Variants in PCDH11X observed in about 807,000 individuals in gnomAD.
PCDH11X encodes the protein protocadherin 11 X-linked.
In PCDH11X, 18 loss-of-function variants were observed where a neutral mutation model predicts 53.3. The ratio of observed to expected loss-of-function variants is 0.34; its 90% confidence interval spans 0.23 to 0.50. The LOEUF is 0.50. Among genes scored for constraint, PCDH11X ranks in the 20% least tolerant of loss-of-function variants. PCDH11X has a pLI of 0.98. For missense variants in PCDH11X, 570 were observed against 1,032.4 expected (o/e 0.55, Z 6.14); for synonymous variants, 279 against 393.3 (o/e 0.71, Z 3.44).
intron 9 of PCDH11X, among the ~76,000 whole-genome samples, chrX:92,413,466 A>G (rs1220224554): frequency 1.4e-5 from 1 of 70,695 alleles, no homozygotes; most frequent in Non-Finnish European, 2.5e-5. Context: ...CTTTGAAAGG[A>G]ATCAAATATT....
chrX:92,587,748 C>A (rs1215587827), intron 10 of PCDH11X, among the ~76,000 whole-genome samples: 2 of 106,932 alleles, frequency 1.9e-5, no homozygotes, highest in Non-Finnish European at 3.9e-5. Flanking sequence ...AAGTAATATT[C>A]TCTGAAATCT....
intron 6 of PCDH11X, among the ~76,000 whole-genome samples, chrX:92,164,606 C>T (rs1047562193): frequency 1.6e-4 from 18 of 110,546 alleles, no homozygotes; most frequent in Non-Finnish European, 3.8e-5. Context: ...TAAATACTAA[C>T]ACATGTAACT....
intron 8 of PCDH11X, among the ~76,000 whole-genome samples, chrX:92,342,955 C>G (rs1357345218): frequency 8.9e-6 from 1 of 112,161 alleles, no homozygotes; most frequent in African/African-American, 3.2e-5. Flanking sequence ...CTATTTTGTG[C>G]TCTCCAATTG....
At chrX:91,819,467 G>C (rs1486812783) in intron 4 of PCDH11X, among the ~76,000 whole-genome samples, 2 of 109,726 alleles carry the variant, frequency 1.8e-5, no homozygotes, top group Non-Finnish European at 3.8e-5. Context: ...GAAAATTTTA[G>C]GTTTTTGAAT....
At chrX:92,178,324 T>A (rs2065942636) in intron 6 of PCDH11X, among the ~76,000 whole-genome samples, 1 of 111,751 alleles carries the variant, frequency 8.9e-6, no homozygotes, top group Non-Finnish European at 1.9e-5. Flanking sequence ...CTGCATTCAT[T>A]ATTTTCTTCT....
rs371101866 is a variant in PCDH11X at position 92,468,331 on chromosome X, G to T, written c.3367+9G>T. 121 of 1,174,784 alleles carry T rather than the reference G, an allele frequency of 1.0e-4. No homozygotes were observed. The highest frequency in any genetic ancestry group is 1.3e-4 in the Non-Finnish European group (117 of 876,858). On this transcript the variant is annotated intron_variant, in intron 10 of 10. Coordinates refer to ENST00000682573, the MANE Select transcript of PCDH11X (RefSeq NM_032968.5). ...ACCTGGACTAAAGAAAGGTACAGTA[G>T]AAATCAACACAAACCATCACCATGT... is the stretch of plus-strand genomic sequence containing the variant.
intron 6 of PCDH11X, among the ~76,000 whole-genome samples, chrX:91,890,470 A>G (rs1386589374): frequency 1.8e-5 from 2 of 109,988 alleles, no homozygotes; most frequent in African/African-American, 6.6e-5. Context: ...TGTTTCCCAA[A>G]TGATCACAGA....
At chrX:92,260,112 G>T (rs1470014484) in intron 7 of PCDH11X, among the ~76,000 whole-genome samples, 1 of 110,565 alleles carries the variant, frequency 9.0e-6, no homozygotes, top group East Asian at 2.9e-4. Flanking sequence ...GTCTCGGTAG[G>T]TTGTGTGCCC....
rs373654684 is a variant in PCDH11X at position 92,140,480 on chromosome X, G to T, written c.3034-60895G>T. Among the ~76,000 whole-genome samples, 67 of 111,256 alleles carry T rather than the reference G, an allele frequency of 6.0e-4. No individual in the cohort carries two copies. The South Asian group carries it at 0.022, about 36-fold the overall frequency. On this transcript the variant is annotated intron_variant, in intron 6 of 10. Coordinates refer to ENST00000682573, the MANE Select transcript of PCDH11X (RefSeq NM_032968.5). ...AAAATATGTTTTCCAAAACTGTTGTGCAATTTACTTGAGAACAGTACATAA... is the reference window on the plus strand; with the variant it reads ...AAAATATGTTTTCCAAAACTGTTGTTCAATTTACTTGAGAACAGTACATAA...
At chrX:92,061,857 T>C (rs1430825900) in intron 6 of PCDH11X, among the ~76,000 whole-genome samples, 1 of 111,879 alleles carries the variant, frequency 8.9e-6, no homozygotes, top group Non-Finnish European at 1.9e-5. Flanking sequence ...TGCTGAAGAA[T>C]GTCATTGGTA....
intron 6 of PCDH11X, among the ~76,000 whole-genome samples, chrX:91,964,476 T>C (rs1320948130): frequency 1.8e-5 from 2 of 111,569 alleles, no homozygotes; most frequent in East Asian, 5.6e-4. Context: ...GCATGTCGTG[T>C]TAACATGATG....
At position 92,419,669 on chromosome X, in the gene PCDH11X, C is replaced by CTTT. The variant is rs757189751; in HGVS notation, c.3343+31763_3343+31765dup. Among the ~76,000 whole-genome samples the CTTT allele has an allele frequency of 3.5e-4, 19 of 54,202 alleles. 5 individuals carry two copies. Among genetic ancestry groups the CTTT allele is most frequent in the African/African-American group, 1.3e-3 (17 of 12,992 alleles). The allele number at this position is 54,202 out of a possible 115,157, so 47.1% of individuals were successfully genotyped here. On this transcript the variant is annotated intron_variant, in intron 9 of 10. Transcript: ENST00000682573. ...TGTTTCTCTCTCCCCTCCCTCCACC[C>CTTT]TTTTTTTTTTTTTTTTTTTTTTTTT... is the stretch of plus-strand genomic sequence containing the variant.
intron 6 of PCDH11X, among the ~76,000 whole-genome samples, chrX:92,008,065 G>C (rs775827650): frequency 9.0e-6 from 1 of 110,955 alleles, no homozygotes; most frequent in Non-Finnish European, 1.9e-5. Context: ...CTCTCTTCAA[G>C]TGGAAGAAAG....
intron 6 of PCDH11X, among the ~76,000 whole-genome samples, chrX:91,891,932 T>TA (rs1387963565): frequency 4.4e-4 from 37 of 83,468 alleles, no homozygotes; most frequent in South Asian, 2.0e-3. Flanking sequence ...TATCAGGGTT[T>TA]AAAAAAAAAA....
intron 6 of PCDH11X, among the ~76,000 whole-genome samples, chrX:91,975,879 A>G (rs1200915783): frequency 9.0e-6 from 1 of 110,781 alleles, no homozygotes; most frequent in African/African-American, 3.3e-5. Flanking sequence ...ACTGGGAGTC[A>G]CAATCTTATG....
intron 6 of PCDH11X, among the ~76,000 whole-genome samples, chrX:92,114,976 G>T (rs951275461): frequency 9.0e-6 from 1 of 110,553 alleles, no homozygotes; most frequent in Non-Finnish European, 1.9e-5. Context: ...GGGATTACAG[G>T]CCCCCACTAC....
At chrX:91,822,225 A>G (rs1936717189) in intron 4 of PCDH11X, among the ~76,000 whole-genome samples, 1 of 109,165 alleles carries the variant, frequency 9.2e-6, no homozygotes, top group Non-Finnish European at 1.9e-5. Flanking sequence ...TTCTCTATTG[A>G]TTGGAATAGT....
intron 8 of PCDH11X, among the ~76,000 whole-genome samples, chrX:92,361,858 T>G (rs933792406): frequency 1.8e-5 from 2 of 109,605 alleles, no homozygotes; most frequent in African/African-American, 6.6e-5. Context: ...AAGCACCATT[T>G]TACTTTACGT....
intron 6 of PCDH11X, among the ~76,000 whole-genome samples, chrX:92,070,189 T>C (rs777618194): frequency 8.9e-6 from 1 of 111,908 alleles, no homozygotes; most frequent in African/African-American, 3.2e-5. Flanking sequence ...CTATTTCGAG[T>C]AAGAGTAGTT....
Sources: allele counts gnomAD v4.1 joint callset (sites outside exome capture counted in the v4.1 genomes callset), GRCh38; gene constraint gnomAD v4.1.1; transcripts MANE v1.5; gene names NCBI Gene and HGNC (gene_info 2026-07-23, HGNC 2026-07-21).